Variants in POGZ observed in about 807,000 individuals in gnomAD.
POGZ encodes pogo transposable element derived with ZNF domain.
Under a neutral mutation model 134.6 loss-of-function variants are expected in POGZ, and 17 were observed. The ratio of observed to expected loss-of-function variants is 0.13; its 90% CI spans 0.09 to 0.19. The LOEUF (loss-of-function observed/expected upper bound fraction) is 0.19, where lower values mean the gene tolerates loss of function less well. Among genes scored for constraint, POGZ ranks in the 10% least tolerant of loss-of-function variants. The probability of loss-of-function intolerance (pLI) is 1.00; values close to 1 mark genes in which losing one functional copy is unlikely to be tolerated. For missense variants in POGZ, 1,306 were observed against 1,769.7 expected (o/e 0.74, Z 4.70); for synonymous variants, 693 against 657.1 (o/e 1.05, Z -0.84).
intron 7 of POGZ, 148 bp from the exon 8 acceptor site, chr1:151,425,209 G>GT (rs879871083): frequency 1.9e-4 from 103 of 537,810 alleles, no homozygotes; most frequent in South Asian, 3.4e-4. Flanking sequence ...GTTTGTTTTT[G>GT]TTTTTTTTGA....
intron 15 of POGZ, among the ~76,000 whole-genome samples, chr1:151,407,816 C>A (rs923586427): frequency 1.3e-5 from 2 of 151,914 alleles, no homozygotes. Context: ...TTGAGACCAG[C>A]CTGGCCAACA....
At chr1:151,448,462 A>G (rs1661575600) in intron 1 of POGZ, among the ~76,000 whole-genome samples, 1 of 152,126 alleles carries the variant, frequency 6.6e-6, no homozygotes, top group Non-Finnish European at 1.5e-5. Flanking sequence ...AATTTTTAAA[A>G]AATTATTTTA....
Position 151,412,368 on chromosome 1 carries a change from A to G in POGZ, c.1707T>C (p.Phe569=). 1 of 1,608,634 alleles carries G rather than the reference A, an allele frequency of 6.2e-7. No homozygotes were observed. Among genetic ancestry groups the G allele is most frequent in the Non-Finnish European group, 8.5e-7 (1 of 1,175,360 alleles). The change falls in exon 11 of 19, where the codon TTT becomes TTC. Residue 569 remains phenylalanine, a synonymous_variant. Transcript: ENST00000271715. ...GCTGGAGAAATAGTGGCTCACTTTC[A>G]AACGCCCATTCACAGATCTTGCACT... ...TTKCKICEWA[F]ESEPLFLQHM...
At chr1:151,417,016 A>G (rs1467890459) in intron 10 of POGZ, among the ~76,000 whole-genome samples, 1 of 152,112 alleles carries the variant, frequency 6.6e-6, no homozygotes, top group Non-Finnish European at 1.5e-5. Context: ...AAAATTTTTA[A>G]ATAAAGTAGG....
rs755591530 is a variant in POGZ, at chr1:151,406,119, C to T, written c.2916G>A (p.Gln972=). ...CTACTCGAAGCTTCTTCACAGACAG[C>T]TGCTCCTTTTTGCCAACTCCACCAC... The part of the protein sequence containing the change: ...GGSGGVGKKE[Q]LSVKKLRVVL... Residue 972 remains glutamine (Q), a synonymous_variant, in exon 19 of 19, where the codon CAG becomes CAA. Coordinates refer to ENST00000271715, the MANE Select transcript of POGZ (RefSeq NM_015100.4). 6.2e-7 allele frequency: 1 copy of T among 1,614,124 alleles called. No homozygotes were observed. The highest frequency in any genetic ancestry group is 8.5e-7 in the Non-Finnish European group (1 of 1,180,052).
At chr1:151,407,319 T>C (rs1472175530) in intron 15 of POGZ, 28 bp from the exon 16 acceptor site, 1 of 1,546,638 alleles carries the variant, frequency 6.5e-7, no homozygotes, top group East Asian at 2.2e-5. Context: ...GTGGTATGAG[T>C]TACGGAGTTC....
chr1:151,431,427 A>G (rs1658677469), intron 3 of POGZ, among the ~76,000 whole-genome samples: 1 of 152,196 alleles, frequency 6.6e-6, no homozygotes, highest in South Asian at 2.1e-4. Context: ...AATCCCCCTT[A>G]ATTTTTTAAA....
intron 17 of POGZ, 71 bp downstream of exon 17, chr1:151,406,840 T>C: frequency 8.6e-7 from 1 of 1,167,816 alleles, no homozygotes. Context: ...GGTATGCTCC[T>C]GATGCATACA....
chr1:151,457,202 A>G (rs1017766301), intron 1 of POGZ, among the ~76,000 whole-genome samples: 5 of 152,232 alleles, frequency 3.3e-5, no homozygotes, highest in African/African-American at 1.2e-4. Context: ...CCAAGAGTCC[A>G]TTCTGTTACC....
At chr1:151,424,452 G>T in intron 8 of POGZ, 166 bp from the exon 9 acceptor site, 1 of 538,516 alleles carries the variant, frequency 1.9e-6, no homozygotes, top group Admixed American at 3.5e-5. Flanking sequence ...CTTTTCTAGA[G>T]TATATCCACA....
intron 7 of POGZ, chr1:151,426,188 C>CT (rs534328862): frequency 1.6e-3 from 219 of 141,272 alleles, no homozygotes; most frequent in East Asian, 2.4e-3. Flanking sequence ...TACTTTCCTA[C>CT]TTTTTTTTTT....
At chr1:151,416,043 G>A (rs1038536128) in intron 10 of POGZ, among the ~76,000 whole-genome samples, 15 of 147,288 alleles carry the variant, frequency 1.0e-4, no homozygotes, top group African/African-American at 3.2e-4. Flanking sequence ...GCGAAACCCC[G>A]CCTCTAATAC....
intron 2 of POGZ, 66 bp from the exon 3 acceptor site, chr1:151,441,152 A>G: frequency 1.5e-6 from 2 of 1,315,128 alleles, no homozygotes; most frequent in South Asian, 2.8e-5. Context: ...ATACTGCTCT[A>G]ATCTTCCCTT....
At chr1:151,458,564 G>A (rs1034620778) in intron 1 of POGZ, among the ~76,000 whole-genome samples, 1 of 150,910 alleles carries the variant, frequency 6.6e-6, no homozygotes, top group African/African-American at 2.4e-5. Flanking sequence ...CGGGAATGGG[G>A]CGGGGAGGGC....
chr1:151,405,184 G>A lies in POGZ; in HGVS notation c.3851C>T (p.Ala1284Val), dbSNP rs1246307855. Residue 1284 changes from alanine to valine, a missense_variant, in exon 19 of 19, where the codon GCT (alanine) becomes GTT (valine). Coordinates refer to ENST00000271715, the MANE Select transcript of POGZ (RefSeq NM_015100.4). The surrounding 1 kb of genome is among the most constrained non-coding windows in gnomAD (Gnocchi z 4.9). ...NFLHKKWKEQAREMADTACDS... is the reference protein window; with the variant it reads ...NFLHKKWKEQVREMADTACDS... The stretch of plus-strand genomic sequence containing the variant: ...ACATGCAGTATCTGCCATTTCCCGA[G>A]CCTGTTCCTTCCATTTTTTATGCAG... The A allele has an allele frequency of 1.2e-6, 2 of 1,614,060 alleles. No homozygotes were observed. The highest frequency in any genetic ancestry group is 1.7e-5 in the Admixed American group (1 of 60,012).
intron 16 of POGZ, 96 bp from the exon 17 acceptor site, chr1:151,407,119 C>T: frequency 8.3e-7 from 1 of 1,200,000 alleles, no homozygotes; most frequent in South Asian, 1.3e-5. Context: ...AATGCCCTCC[C>T]ACTTTCTCCT....
Position 151,406,981 on chromosome 1 carries a change from A to G in POGZ, c.2475T>C (p.Ser825=). 1 of 1,614,208 alleles carries G rather than the reference A, an allele frequency of 6.2e-7. No homozygotes were observed. Among genetic ancestry groups the G allele is most frequent in the Non-Finnish European group, 8.5e-7 (1 of 1,180,018 alleles). The change falls in exon 17 of 19, where the codon TCT becomes TCC. Residue 825 remains serine, a synonymous_variant. Coordinates refer to ENST00000271715, the MANE Select transcript of POGZ (RefSeq NM_015100.4). ...AATGCTTGGCCATAGCATCGCCCAC[A>G]GAGGTAACAAAGGTACATGAAGTGC... ...LACTSCTFVT[S]VGDAMAKHLV... is the part of the protein sequence containing the mutation.
At chr1:151,431,248 C>T (rs796722361) in intron 3 of POGZ, among the ~76,000 whole-genome samples, 30 of 152,300 alleles carry the variant, frequency 2.0e-4, no homozygotes, top group African/African-American at 7.2e-4. Flanking sequence ...TATGTCTTCA[C>T]TGGGGATGAA....
intron 3 of POGZ, among the ~76,000 whole-genome samples, chr1:151,431,421 C>A (rs1458173522): frequency 6.6e-6 from 1 of 151,976 alleles, no homozygotes; most frequent in African/African-American, 2.4e-5. Flanking sequence ...TTAGCTAATC[C>A]CCCTTAATTT....
Sources: allele counts gnomAD v4.1 joint callset (sites outside exome capture counted in the v4.1 genomes callset), GRCh38; gene constraint gnomAD v4.1.1; non-coding constraint Gnocchi (gnomAD v3.1); transcripts MANE v1.5; gene names NCBI Gene and HGNC (gene_info 2026-07-23, HGNC 2026-07-21).